Variants in ZNF221 observed in about 807,000 individuals in gnomAD.
ZNF221 encodes zinc finger protein 221.
A neutral mutation model predicts 12.6 loss-of-function variants in ZNF221; 10 were observed. That is an observed-to-expected ratio of 0.79 (90% confidence interval 0.49 to 1.34). The LOEUF (loss-of-function observed/expected upper bound fraction) is 1.34. Ranked by LOEUF, ZNF221 falls within the 40% of genes most tolerant of loss-of-function variation. The pLI is 0.00. For synonymous variants in ZNF221, 232 were observed against 244.0 expected, an observed-to-expected ratio of 0.95 and a Z score of 0.46; for missense variants, 661 against 721.4, an observed-to-expected ratio of 0.92 and a Z score of 0.96.
At chr19:43,954,960 G>A (rs1381871946) in intron 1 of ZNF221, among the ~76,000 whole-genome samples, 1 of 152,090 alleles carries the variant, frequency 6.6e-6, no homozygotes, top group East Asian at 1.9e-4. Flanking sequence ...GTGTAAGCCA[G>A]CCCTGATGCT....
At chr19:43,969,714 G>T (rs1202012425), downstream of ZNF221, among the ~76,000 whole-genome samples, 1 of 152,200 alleles carries the variant, frequency 6.6e-6, no homozygotes, top group African/African-American at 2.4e-5. Context: ...CCCTGTGGGG[G>T]GTCTTCAGTC....
At position 43,966,517 on chromosome 19, in the gene ZNF221, A is replaced by C; in HGVS notation, c.1015A>C (p.Arg339=). The change falls in exon 5 of 5, where the codon AGA becomes CGA. Residue 339 remains arginine (R), a synonymous_variant. Transcript: ENST00000587682. ...SMVHTGEKPF[R]CDTCGKNFRQ... ...GGTTCACACAGGAGAAAAACCATTC[A>C]GATGTGATACATGTGGCAAGAACTT... 1 of 1,614,194 alleles carries C rather than the reference A, an allele frequency of 6.2e-7. No individual in the cohort carries two copies. Among genetic ancestry groups the C allele is most frequent in the Non-Finnish European group, 8.5e-7 (1 of 1,180,026 alleles).
chr19:43,952,520 C>A (rs415468), intron 1 of ZNF221, among the ~76,000 whole-genome samples: 1 of 152,020 alleles, frequency 6.6e-6, no homozygotes, highest in African/African-American at 2.4e-5. Context: ...CACATGGTAG[C>A]TCTGTGGAGA....
At chr19:43,976,614 C>G in the ZNF221 span, among the ~76,000 whole-genome samples, 1 of 152,128 alleles carries the variant, frequency 6.6e-6, no homozygotes, top group Admixed American at 6.5e-5. Flanking sequence ...ATATGATTGC[C>G]TTCTAATTGC....
At chr19:43,971,762 G>A (rs1975102572), downstream of ZNF221, among the ~76,000 whole-genome samples, 1 of 152,062 alleles carries the variant, frequency 6.6e-6, no homozygotes, top group East Asian at 1.9e-4. Context: ...GATTCATAAA[G>A]TAAGTTCTTA....
the ZNF221 span, among the ~76,000 whole-genome samples, chr19:43,974,635 A>G: frequency 6.6e-6 from 1 of 152,234 alleles, no homozygotes; most frequent in East Asian, 1.9e-4. Context: ...ACATGAAAAA[A>G]AAGCTCAACA....
chr19:43,954,253 A>G (rs1974720146), intron 1 of ZNF221, among the ~76,000 whole-genome samples: 2 of 152,222 alleles, frequency 1.3e-5, no homozygotes, highest in African/African-American at 4.8e-5. Flanking sequence ...AGCAAAACAT[A>G]TAGCTTCACC....
At chr19:43,958,218 A>G (rs1189157706) in intron 1 of ZNF221, among the ~76,000 whole-genome samples, 1 of 152,228 alleles carries the variant, frequency 6.6e-6, no homozygotes, top group South Asian at 2.1e-4. Flanking sequence ...GCCTCTTTTT[A>G]GAAACTTCTG....
chr19:43,955,179 T>C (rs2147331980), intron 1 of ZNF221, among the ~76,000 whole-genome samples: 1 of 152,106 alleles, frequency 6.6e-6, no homozygotes, highest in South Asian at 2.1e-4. Context: ...CGGTCAAGAA[T>C]CAGTGTCTAC....
chr19:43,974,974 A>T, the ZNF221 span, among the ~76,000 whole-genome samples: 1 of 152,078 alleles, frequency 6.6e-6, no homozygotes, highest in African/African-American at 2.4e-5. Context: ...CAGTGAGTCA[A>T]GGTCATGCCA....
rs1181360050 is a variant in ZNF221, at chr19:43,965,292, A to G, written c.268A>G (p.Met90Val). ...HFLGKEKFWK[M>V]KTTSQREGNS... ...CTTAGGGAAGGAAAAGTTTTGGAAG[A>G]TGAAGACAACAAGCCAAAGAGAAGG... is the stretch of plus-strand genomic sequence containing the variant. The change falls in exon 4 of 5, where the codon ATG becomes GTG. Residue 90 changes from methionine to valine, a missense_variant. By Grantham distance (21) the Met-to-Val change is conservative. Coordinates refer to ENST00000587682, the MANE Select transcript of ZNF221 (RefSeq NM_001297588.2). 2.5e-6 allele frequency: 4 copies of G among 1,613,688 alleles called. No individual in the cohort carries two copies. In the Admixed American group the frequency reaches 6.7e-5, roughly 27 times the overall value.
intron 1 of ZNF221, among the ~76,000 whole-genome samples, chr19:43,954,395 C>CATTAATACA (rs1468192474): frequency 6.6e-6 from 1 of 152,114 alleles, no homozygotes; most frequent in Non-Finnish European, 1.5e-5. Context: ...TCCTTCTTTC[C>CATTAATACA]ATTAATACAC....
At chr19:43,954,675 A>G (rs754924047) in intron 1 of ZNF221, among the ~76,000 whole-genome samples, 1 of 152,120 alleles carries the variant, frequency 6.6e-6, no homozygotes, top group Non-Finnish European at 1.5e-5. Context: ...AAATTTAGTT[A>G]TGGTTTCTTG....
the ZNF221 span, among the ~76,000 whole-genome samples, chr19:43,973,057 A>G: frequency 6.6e-6 from 1 of 152,282 alleles, no homozygotes; most frequent in South Asian, 2.1e-4. Context: ...ATCTACCACA[A>G]TCAAGTTGGC....
At chr19:43,963,663 A>G (rs181417114) in intron 2 of ZNF221, among the ~76,000 whole-genome samples, 1 of 152,348 alleles carries the variant, frequency 6.6e-6, no homozygotes, top group African/African-American at 2.4e-5. Flanking sequence ...TACTCAGAGA[A>G]GCAGAATGCA....
chr19:43,977,980 T>G, the ZNF221 span, among the ~76,000 whole-genome samples: 1 of 152,196 alleles, frequency 6.6e-6, no homozygotes, highest in Admixed American at 6.5e-5. Flanking sequence ...GGCAGTTGTC[T>G]AGAGGAAACC....
intron 1 of ZNF221, among the ~76,000 whole-genome samples, chr19:43,952,452 A>G (rs1298122329): frequency 6.6e-6 from 1 of 152,214 alleles, no homozygotes; most frequent in Non-Finnish European, 1.5e-5. Flanking sequence ...CATTGATAAG[A>G]AAGTCTTAAT....
In ZNF221 at chr19:43,965,927, A is replaced by G; in HGVS notation, c.425A>G (p.Asn142Ser). 1 of 1,614,242 alleles carries G rather than the reference A, an allele frequency of 6.2e-7. No homozygotes were observed. Among genetic ancestry groups the G allele is most frequent in the African/African-American group, 1.3e-5 (1 of 75,076 alleles). The stretch of plus-strand genomic sequence containing the variant: ...ACCAGGTCTCAAAACTCCATAAGGA[A>G]CAGCTCTCAGTTCTTCAAAGAAGGT... ...DLTRSQNSIR[N>S]SSQFFKEGDV... Residue 142 changes from asparagine to serine, a missense_variant, in exon 5 of 5, where the codon AAC becomes AGC. Coordinates refer to ENST00000587682, the MANE Select transcript of ZNF221 (RefSeq NM_001297588.2).
rs755577372 is a variant in ZNF221, at chr19:43,966,719, C to T, written c.1217C>T (p.Ser406Phe). 2.5e-6 allele frequency: 4 copies of T among 1,614,066 alleles called. No individual in the cohort carries two copies. The highest frequency in any genetic ancestry group is 2.2e-5 in the East Asian group (1 of 44,902). Residue 406 changes from serine (S) to phenylalanine (F), a missense_variant, in exon 5 of 5, where the codon TCC (serine) becomes TTC (phenylalanine). Transcript: ENST00000587682. Reference sequence around the variant, plus strand: ...GAATGTGGGAAGACCTTCAGATGGTCCTCATGTCTTTTGAACCATCAGCAA... The same window carrying T: ...GAATGTGGGAAGACCTTCAGATGGTTCTCATGTCTTTTGAACCATCAGCAA... ...CKECGKTFRW[S>F]SCLLNHQQVH...
Sources: allele counts gnomAD v4.1 joint callset (sites outside exome capture counted in the v4.1 genomes callset), GRCh38; gene constraint gnomAD v4.1.1; transcripts MANE v1.5; gene names NCBI Gene and HGNC (gene_info 2026-07-23, HGNC 2026-07-21).